The following VPS13B variants were observed in gnomAD, a reference collection of about 807,000 sequenced individuals.
VPS13B encodes the protein intermembrane lipid transfer protein VPS13B.
In VPS13B, 285 loss-of-function variants were observed where a neutral mutation model predicts 426.4. That is an observed-to-expected ratio of 0.67 (90% CI 0.61 to 0.74). The LOEUF (loss-of-function observed/expected upper bound fraction) is 0.74. Among genes scored for constraint, VPS13B ranks in the 30% least tolerant of loss-of-function variants. VPS13B has a pLI of 0.00. For synonymous variants in VPS13B, 1,676 were observed against 1,676.4 expected (o/e 1.00, Z 0.01); for missense variants, 4,537 against 4,782.6 (o/e 0.95, Z 1.51).
intron 39 of VPS13B, among the ~76,000 whole-genome samples, chr8:99,764,692 G>A (rs1811120871): frequency 6.6e-6 from 1 of 151,950 alleles, no homozygotes; most frequent in Non-Finnish European, 1.5e-5. Context: ...TGGGATTTCA[G>A]ACGTGAGCCA....
rs986420263 is a variant in VPS13B at position 99,121,794 on chromosome 8, C to T, written c.1206+349C>T. ...CGTGAATTCTTTTACCTGTCAGGTACGGTTTCCTTTCTGTGCTCTCCTTCG... is the reference window on the plus strand; with the variant it reads ...CGTGAATTCTTTTACCTGTCAGGTATGGTTTCCTTTCTGTGCTCTCCTTCG... On this transcript the variant is annotated intron_variant, in intron 8 of 61. Transcript: ENST00000357162. 18 of 194,070 alleles carry T rather than the reference C, an allele frequency of 9.3e-5. No homozygotes were observed. The East Asian group carries it at 1.0e-3, about 11-fold the overall frequency. 12.0% of individuals were successfully genotyped at this position (194,070 alleles called of 1,614,324 possible). A position where few individuals can be genotyped will look rare whatever the true frequency, so the allele number is the denominator to read the frequency against.
At chr8:99,861,731 C>A (rs1397288009) in intron 57 of VPS13B, 45 bp from the exon 58 acceptor site, 2 of 1,563,946 alleles carry the variant, frequency 1.3e-6, no homozygotes, top group Non-Finnish European at 1.7e-6. Flanking sequence ...TGGGGTCCAT[C>A]ATGTATGCGA....
chr8:99,466,185 T>C (rs542449674), intron 23 of VPS13B, among the ~76,000 whole-genome samples: 2 of 152,048 alleles, frequency 1.3e-5, no homozygotes, highest in Non-Finnish European at 2.9e-5. Flanking sequence ...AAAATATATA[T>C]GAAGGAAATA....
intron 39 of VPS13B, among the ~76,000 whole-genome samples, chr8:99,762,816 C>G (rs369668827): frequency 6.6e-6 from 1 of 151,984 alleles, no homozygotes; most frequent in Non-Finnish European, 1.5e-5. Flanking sequence ...CCCCCTTTTA[C>G]ACATATGGGA....
At chr8:99,039,909 A>G (rs2132226623) in intron 3 of VPS13B, among the ~76,000 whole-genome samples, 2 of 152,272 alleles carry the variant, frequency 1.3e-5, no homozygotes, top group Middle Eastern at 6.8e-3. Context: ...TGAACTTCTA[A>G]TATTTGAGAG....
At chr8:99,786,743 A>G (rs945098216) in intron 43 of VPS13B, among the ~76,000 whole-genome samples, 2 of 152,214 alleles carry the variant, frequency 1.3e-5, no homozygotes, top group African/African-American at 4.8e-5. Context: ...ACTAAAACCT[A>G]GATAACCTAG....
intron 16 of VPS13B, among the ~76,000 whole-genome samples, chr8:99,191,107 T>C (rs1339707397): frequency 6.6e-6 from 1 of 152,058 alleles, no homozygotes. Flanking sequence ...ATTTCAGTCA[T>C]GGTATTCTGT....
chr8:99,670,957 T>C (rs1830691732), intron 35 of VPS13B, among the ~76,000 whole-genome samples: 1 of 152,182 alleles, frequency 6.6e-6, no homozygotes. Context: ...AGTGCAAATA[T>C]ATCTCTTCGG....
chr8:99,272,047 A>G (rs1818635315), intron 17 of VPS13B, among the ~76,000 whole-genome samples: 1 of 152,222 alleles, frequency 6.6e-6, no homozygotes, highest in Non-Finnish European at 1.5e-5. Flanking sequence ...TGACTGAATC[A>G]TAATTTCTTT....
At chr8:99,450,791 T>C (rs1326235580) in intron 23 of VPS13B, among the ~76,000 whole-genome samples, 4 of 152,156 alleles carry the variant, frequency 2.6e-5, no homozygotes, top group African/African-American at 9.7e-5. Flanking sequence ...TCTCTATCTT[T>C]AGAATTGCTT....
chr8:99,705,299 T>G (rs1029351332), intron 36 of VPS13B, among the ~76,000 whole-genome samples: 13 of 152,172 alleles, frequency 8.5e-5, no homozygotes, highest in Admixed American at 7.2e-4. Flanking sequence ...AAAATTATCT[T>G]AACTTTTTTC....
intron 21 of VPS13B, among the ~76,000 whole-genome samples, chr8:99,420,708 A>G (rs923541938): frequency 6.6e-6 from 1 of 152,180 alleles, no homozygotes; most frequent in African/African-American, 2.4e-5. Flanking sequence ...TTGGAGAGAC[A>G]CACATTCAAA....
At chr8:99,368,640 A>T (rs1297469365) in intron 19 of VPS13B, among the ~76,000 whole-genome samples, 1 of 152,052 alleles carries the variant, frequency 6.6e-6, no homozygotes, top group East Asian at 1.9e-4. Context: ...TGCCTTTGTG[A>T]TTTTTGTCCC....
intron 21 of VPS13B, among the ~76,000 whole-genome samples, chr8:99,402,525 G>A (rs1338034615): frequency 3.9e-5 from 6 of 152,122 alleles, no homozygotes; most frequent in Admixed American, 3.3e-4. Context: ...AGTGAAAAAA[G>A]GAGGAGAACT....
At chr8:99,602,876 G>T (rs1021814808) in intron 33 of VPS13B, among the ~76,000 whole-genome samples, 2 of 151,448 alleles carry the variant, frequency 1.3e-5, no homozygotes, top group Non-Finnish European at 2.9e-5. Context: ...AAGGAAATAA[G>T]AGAGGACACA....
chr8:99,868,808 A>C (rs908719703), intron 59 of VPS13B, among the ~76,000 whole-genome samples: 2 of 152,202 alleles, frequency 1.3e-5, no homozygotes, highest in African/African-American at 4.8e-5. Context: ...AAGGAGAGAG[A>C]GGCTGTGGGA....
intron 31 of VPS13B, among the ~76,000 whole-genome samples, chr8:99,563,897 G>T (rs574840902): frequency 6.4e-4 from 98 of 152,292 alleles, no homozygotes; most frequent in African/African-American, 2.2e-3. Flanking sequence ...GATTAATCTT[G>T]ACAGACGTAT....
intron 8 of VPS13B, among the ~76,000 whole-genome samples, chr8:99,125,983 T>G (rs540347292): frequency 3.3e-5 from 5 of 151,640 alleles, no homozygotes; most frequent in African/African-American, 1.2e-4. Context: ...GTGATATGAG[T>G]GATCTAATAG....
At chr8:99,405,126 G>T (rs1815254633) in intron 21 of VPS13B, among the ~76,000 whole-genome samples, 1 of 152,012 alleles carries the variant, frequency 6.6e-6, no homozygotes. Flanking sequence ...CTGATGATCT[G>T]CCTTCTTTTT....
Sources: allele counts gnomAD v4.1 joint callset (sites outside exome capture counted in the v4.1 genomes callset), GRCh38; gene constraint gnomAD v4.1.1; transcripts MANE v1.5; gene names NCBI Gene and HGNC (gene_info 2026-07-23, HGNC 2026-07-21).